GRIK1: variants seen among roughly 807,000 people sequenced by gnomAD.
GRIK1 encodes the protein glutamate ionotropic receptor kainate type subunit 1, also known as glutamate receptor ionotropic, kainate 1.
A neutral mutation model predicts 105.7 loss-of-function variants in GRIK1; 69 were observed. The observed-to-expected ratio is 0.65, with a 90% CI of 0.54 to 0.80. The LOEUF (loss-of-function observed/expected upper bound fraction) is 0.80. Among genes scored for constraint, GRIK1 ranks in the 30% least tolerant of loss-of-function variants. The pLI is 0.00. For synonymous variants in GRIK1, 438 were observed against 431.3 expected, an observed-to-expected ratio of 1.02 and a Z score of -0.19; for missense variants, 1,109 against 1,167.3, an observed-to-expected ratio of 0.95 and a Z score of 0.73.
intron 1 of GRIK1, among the ~76,000 whole-genome samples, chr21:29,828,015 G>GTCTCTCTC (rs2067516914): frequency 1.7e-5 from 1 of 60,098 alleles, no homozygotes; most frequent in African/African-American, 3.9e-5. Flanking sequence ...CTCTCTCTGT[G>GTCTCTCTC]TGTGTGTGTG....
intron 16 of GRIK1, among the ~76,000 whole-genome samples, chr21:29,541,103 GAC>G (rs2089961692): frequency 6.6e-6 from 1 of 152,010 alleles, no homozygotes; most frequent in Non-Finnish European, 1.5e-5. Context: ...GAGTAGCTGG[GAC>G]TACAGGTGCG....
chr21:29,548,293 A>G (rs2090078007), intron 16 of GRIK1, among the ~76,000 whole-genome samples: 1 of 152,254 alleles, frequency 6.6e-6, no homozygotes, highest in African/African-American at 2.4e-5. Flanking sequence ...TTGACTTTCT[A>G]TCACAAGGAT....
chr21:29,928,924 G>C (rs1008156422), intron 1 of GRIK1, among the ~76,000 whole-genome samples: 1 of 152,162 alleles, frequency 6.6e-6, no homozygotes, highest in African/African-American at 2.4e-5. Flanking sequence ...AGAAAGCGAG[G>C]AAACTCCCAC....
intron 1 of GRIK1, among the ~76,000 whole-genome samples, chr21:29,694,358 A>G (rs1260346110): frequency 6.6e-6 from 1 of 152,014 alleles, no homozygotes; most frequent in East Asian, 1.9e-4. Flanking sequence ...TCCTGACCTC[A>G]GGTGATCCAC....
chr21:29,663,239 C>T (rs889467426), intron 4 of GRIK1, among the ~76,000 whole-genome samples: 2 of 152,126 alleles, frequency 1.3e-5, no homozygotes, highest in African/African-American at 4.8e-5. Flanking sequence ...GCACAAAATT[C>T]TGCTGGAGTT....
chr21:29,628,742 T>A lies in GRIK1; in HGVS notation c.1098+14084A>T, dbSNP rs74872047. On this transcript the variant is annotated intron_variant, in intron 7 of 17. Coordinates refer to ENST00000327783, the MANE Select transcript of GRIK1 (RefSeq NM_001330994.2). Reference sequence around the variant, plus strand: ...TGGGGCTCTTGTCTAATTAGCTAGATAATGTGGTCAATAAAACCCAAAAAT... The same window carrying A: ...TGGGGCTCTTGTCTAATTAGCTAGAAAATGTGGTCAATAAAACCCAAAAAT... 1.8e-3 allele frequency among the ~76,000 whole-genome samples: 270 copies of A among 152,302 alleles called. 6 individuals carry two copies. In the East Asian group the frequency reaches 0.029, roughly 16 times the overall value.
At chr21:29,766,854 G>A (rs2065680091) in intron 1 of GRIK1, among the ~76,000 whole-genome samples, 1 of 152,194 alleles carries the variant, frequency 6.6e-6, no homozygotes, top group Non-Finnish European at 1.5e-5. Flanking sequence ...ATAATGCAGA[G>A]TATTTTCTTT....
At position 29,554,251 on chromosome 21, in the gene GRIK1, A is replaced by G. The variant is rs2090192692; in HGVS notation, c.2607+801T>C. ...TAGTCATAGTCTTAAAATTCTAACA[A>G]TATTTAAAAATTCAAAGCAGAGCCT... On this transcript the variant is annotated intron_variant, in intron 16 of 17. Transcript: ENST00000327783. Among the ~76,000 whole-genome samples the G allele has an allele frequency of 2.0e-5, 3 of 152,202 alleles. No homozygotes were observed. The South Asian group carries it at 6.2e-4, about 32-fold the overall frequency.
chr21:29,832,652 C>A (rs1193707765), intron 1 of GRIK1, among the ~76,000 whole-genome samples: 1 of 152,168 alleles, frequency 6.6e-6, no homozygotes, highest in Non-Finnish European at 1.5e-5. Flanking sequence ...ATGCAGGGAA[C>A]AGCGTTGTGA....
chr21:29,804,597 A>G (rs1601740571), intron 1 of GRIK1, among the ~76,000 whole-genome samples: 2 of 152,294 alleles, frequency 1.3e-5, no homozygotes, highest in African/African-American at 4.8e-5. Flanking sequence ...GCACTGTATG[A>G]TAGTAGGGCA....
intron 1 of GRIK1, among the ~76,000 whole-genome samples, chr21:29,720,158 C>G (rs1052364950): frequency 2.0e-5 from 3 of 152,312 alleles, no homozygotes; most frequent in African/African-American, 7.2e-5. Flanking sequence ...TCCACAATCC[C>G]TGAGTCACAT....
At chr21:29,716,453 A>T (rs1265340734) in intron 1 of GRIK1, among the ~76,000 whole-genome samples, 7 of 152,124 alleles carry the variant, frequency 4.6e-5, no homozygotes, top group Admixed American at 4.6e-4. Flanking sequence ...GATGTGGGAA[A>T]ATTTGGAACT....
rs554342629 is a variant in GRIK1 at position 29,620,978 on chromosome 21, GA to G, written c.1098+21847del. 2.7e-3 allele frequency among the ~76,000 whole-genome samples: 393 copies of G among 146,348 alleles called. 1 individual carries two copies. The highest frequency in any genetic ancestry group is 5.8e-3 in the African/African-American group (231 of 39,598). On this transcript the variant is annotated intron_variant, in intron 7 of 17. Transcript: ENST00000327783. ...TATAATTCTACATATACAGAATTTGGAAAAAAAATATATATCTTATATTGCT... is the reference window on the plus strand; with the variant it reads ...TATAATTCTACATATACAGAATTTGGAAAAAAATATATATCTTATATTGCT...
chr21:29,778,385 G>A (rs923525311), intron 1 of GRIK1, among the ~76,000 whole-genome samples: 6 of 152,140 alleles, frequency 3.9e-5, no homozygotes, highest in African/African-American at 1.4e-4. Flanking sequence ...TGGTTTCTGG[G>A]AAATATTTAA....
intron 1 of GRIK1, among the ~76,000 whole-genome samples, chr21:29,730,399 A>T (rs993649816): frequency 6.6e-6 from 1 of 152,200 alleles, no homozygotes; most frequent in Non-Finnish European, 1.5e-5. Flanking sequence ...TGGCACAGGA[A>T]TTCTTTTTAA....
intron 1 of GRIK1, among the ~76,000 whole-genome samples, chr21:29,795,325 C>T (rs910697437): frequency 5.3e-5 from 8 of 152,018 alleles, no homozygotes; most frequent in Admixed American, 2.0e-4. Context: ...CATGAGCCAC[C>T]GTGCCCAGTC....
chr21:29,860,838 C>T (rs1450696253), intron 1 of GRIK1, among the ~76,000 whole-genome samples: 2 of 152,070 alleles, frequency 1.3e-5, no homozygotes, highest in Non-Finnish European at 2.9e-5. Context: ...TTGAAAGAGC[C>T]AGTGGCTGGT....
intron 1 of GRIK1, among the ~76,000 whole-genome samples, chr21:29,831,676 C>T (rs564864414): frequency 6.6e-6 from 1 of 152,142 alleles, no homozygotes; most frequent in African/African-American, 2.4e-5. Context: ...GAAATCAGCC[C>T]CCATGATCAA....
chr21:29,875,006 T>TC (rs1569181006), intron 1 of GRIK1, among the ~76,000 whole-genome samples: 9 of 151,608 alleles, frequency 5.9e-5, no homozygotes, highest in African/African-American at 2.2e-4. Flanking sequence ...TCAGGGTTTT[T>TC]TTTTTTTTAA....
Sources: gnomAD v4.1 joint callset for allele counts (sites outside exome capture counted in the v4.1 genomes callset) on GRCh38, gnomAD v4.1.1 for gene constraint, MANE v1.5 for transcripts, NCBI Gene and HGNC (gene_info 2026-07-23, HGNC 2026-07-21) for gene names.